The following OSMR variants were observed in gnomAD, a reference collection of about 807,000 sequenced individuals.
OSMR encodes oncostatin-M-specific receptor subunit beta.
OSMR carries 81 observed loss-of-function variants against 99.9 expected under a neutral mutation model. The observed-to-expected ratio is 0.81, with a 90% CI of 0.68 to 0.97. The LOEUF (loss-of-function observed/expected upper bound fraction) is 0.97. OSMR is among the 50% of genes least tolerant of loss of function. The pLI, the probability that OSMR is intolerant of heterozygous loss-of-function variation, is 0.00. For missense variants in OSMR, 1,099 were observed against 1,153.4 expected, an observed-to-expected ratio of 0.95 and a Z score of 0.68; for synonymous variants, 406 against 410.4, an observed-to-expected ratio of 0.99 and a Z score of 0.13.
In OSMR at chr5:38,921,700, T is replaced by C. The variant is rs764170509; in HGVS notation, c.1671T>C (p.Tyr557=). ...WKPQPGDVIG[Y]VVDWCDHTQD... ...CCCAACCTGGAGATGTTATAGGCTA[T>C]GTTGTGGACTGGTGTGACCATACCC... The change falls in exon 12 of 18, where the codon TAT becomes TAC. Residue 557 remains tyrosine (Y), a synonymous_variant. Coordinates refer to ENST00000274276, the MANE Select transcript of OSMR (RefSeq NM_003999.3). 19 of 1,614,058 alleles carry C rather than the reference T, an allele frequency of 1.2e-5. No individual in the cohort carries two copies. In the African/African-American group the frequency reaches 1.3e-4, roughly 11 times the overall value.
Position 38,933,114 on chromosome 5 carries a change from T to C in OSMR, c.2610T>C (p.Ser870=). The change falls in exon 18 of 18, where the codon TCT becomes TCC. Residue 870 remains serine, a synonymous_variant. Coordinates refer to ENST00000274276, the MANE Select transcript of OSMR (RefSeq NM_003999.3). Reference sequence around the variant, plus strand: ...ACCAGGCAGCTTCTGACTCTGGCTCTTGTGGCCATGTTCCAGTATCCCCAA... The same window carrying C: ...ACCAGGCAGCTTCTGACTCTGGCTCCTGTGGCCATGTTCCAGTATCCCCAA... ...TYNQAASDSG[S]CGHVPVSPKA... is the part of the protein sequence containing the mutation. The C allele has an allele frequency of 6.2e-7, 1 of 1,614,228 alleles. No individual in the cohort carries two copies. The highest frequency in any genetic ancestry group is 8.5e-7 in the Non-Finnish European group (1 of 1,180,030).
chr5:38,863,096 T>C (rs1741612590), intron 1 of OSMR, among the ~76,000 whole-genome samples: 1 of 147,522 alleles, frequency 6.8e-6, no homozygotes, highest in Non-Finnish European at 1.5e-5. Context: ...GAGGTTGCAG[T>C]GGGCCGAGAT....
At chr5:38,882,484 A>G (rs915723515) in intron 4 of OSMR, among the ~76,000 whole-genome samples, 9 of 152,112 alleles carry the variant, frequency 5.9e-5, no homozygotes, top group Admixed American at 2.0e-4. Context: ...CTGAGGCAGG[A>G]GAATCGCTTG....
rs527850067 is a variant in OSMR at position 38,876,700 on chromosome 5, TC to T, written c.246+328del. 1.2e-3 allele frequency among the ~76,000 whole-genome samples: 181 copies of T among 152,320 alleles called. 3 individuals are homozygous for T. The Middle Eastern group carries it at 0.044, about 37-fold the overall frequency. The stretch of plus-strand genomic sequence containing the variant: ...GATTAACCAATTCATTCCTCCTACC[TC>T]TTTCTTCTCCGTCCTCCAGAGATTT... On this transcript the variant is annotated intron_variant, in intron 3 of 17. Coordinates refer to ENST00000274276, the MANE Select transcript of OSMR (RefSeq NM_003999.3).
At chr5:38,907,549 G>A (rs72732727) in intron 9 of OSMR, among the ~76,000 whole-genome samples, 15,661 of 152,244 alleles carry the variant, frequency 0.1, 967 homozygotes, top group Middle Eastern at 0.19. Flanking sequence ...ATGAGATGGG[G>A]CCAGTCCAAT....
chr5:38,943,695 C>G (rs1158918397), intron 1 of OSMR, among the ~76,000 whole-genome samples: 1 of 152,100 alleles, frequency 6.6e-6, no homozygotes, highest in Non-Finnish European at 1.5e-5. Flanking sequence ...CACCTGTAAT[C>G]CCAGCTACTT....
chr5:38,868,475 G>A (rs1010498669), intron 1 of OSMR, among the ~76,000 whole-genome samples: 12 of 152,136 alleles, frequency 7.9e-5, no homozygotes, highest in Non-Finnish European at 1.5e-4. Context: ...CATCAGGGCC[G>A]GTCTTTTCTG....
chr5:38,901,814 T>C lies in OSMR; in HGVS notation c.992-2068T>C, dbSNP rs1239906233. ...CCAAGGCCTGTTGTCGCAAAGAACC[T>C]CATTTAAAATTGGTGGGTTTGCTGG... On this transcript the variant is annotated intron_variant, in intron 7 of 17. Transcript: ENST00000274276. Among the ~76,000 whole-genome samples the C allele has an allele frequency of 2.6e-5, 4 of 152,188 alleles. No homozygotes were observed. The East Asian group carries it at 5.8e-4, about 22-fold the overall frequency.
chr5:38,908,537 T>A (rs978709120), intron 9 of OSMR, among the ~76,000 whole-genome samples: 1 of 152,114 alleles, frequency 6.6e-6, no homozygotes, highest in African/African-American at 2.4e-5. Context: ...CAGACTGAGA[T>A]CAGTTCGGCC....
intron 7 of OSMR, among the ~76,000 whole-genome samples, chr5:38,895,732 A>G (rs1412103976): frequency 1.3e-5 from 2 of 151,782 alleles, no homozygotes; most frequent in Admixed American, 1.3e-4. Flanking sequence ...AAATTATTCC[A>G]ATGTCTCGGA....
intron 7 of OSMR, among the ~76,000 whole-genome samples, chr5:38,896,758 A>T (rs1021275067): frequency 9.9e-5 from 15 of 151,790 alleles, no homozygotes; most frequent in African/African-American, 1.5e-4. Flanking sequence ...GTTTTTCCCC[A>T]TTCAGTATGA....
rs767614402 is a variant in OSMR at position 38,885,428 on chromosome 5, G to A, written c.783G>A (p.Thr261=). 18 of 1,613,844 alleles carry A rather than the reference G, an allele frequency of 1.1e-5. No homozygotes were observed. The highest frequency in any genetic ancestry group is 1.6e-4 in the Middle Eastern group (1 of 6,076). ...KTLHCTWDPG[T]DTALGWSKQP... ...TGCACTGTACTTGGGATCCTGGGAC[G>A]GACACTGCCTTGGGGTGGTCTAAAC... The change falls in exon 6 of 18, where the codon ACG becomes ACA. Residue 261 remains threonine, a synonymous_variant. Transcript: ENST00000274276.
At chr5:38,897,478 G>A (rs1023939401) in intron 7 of OSMR, among the ~76,000 whole-genome samples, 1 of 151,908 alleles carries the variant, frequency 6.6e-6, no homozygotes, top group Non-Finnish European at 1.5e-5. Flanking sequence ...AATTTCTGCA[G>A]TATCAGTTGT....
chr5:38,893,866 A>C (rs990483030), intron 7 of OSMR, among the ~76,000 whole-genome samples: 5 of 152,216 alleles, frequency 3.3e-5, no homozygotes, highest in African/African-American at 1.2e-4. Flanking sequence ...TCACTAGGGC[A>C]TATAGGCACC....
intron 4 of OSMR, among the ~76,000 whole-genome samples, 162 bp downstream of exon 4, chr5:38,881,926 G>A (rs1943356336): frequency 6.6e-6 from 1 of 152,192 alleles, no homozygotes; most frequent in African/African-American, 2.4e-5. Context: ...GTGAAACTTG[G>A]CACTGGAAGA....
intron 11 of OSMR, among the ~76,000 whole-genome samples, chr5:38,920,155 G>C (rs941855759): frequency 6.6e-6 from 1 of 152,112 alleles, no homozygotes; most frequent in East Asian, 1.9e-4. Context: ...GTATTTTGGG[G>C]TCTCCTACCA....
At chr5:38,921,881 G>T in intron 12 of OSMR, 87 bp downstream of exon 12, 1 of 1,151,020 alleles carries the variant, frequency 8.7e-7, no homozygotes, top group Admixed American at 1.7e-5. Flanking sequence ...CACAGACTTT[G>T]ACTGTGCTAA....
Position 38,858,317 on chromosome 5 carries a change from CT to C in OSMR, c.-13-10699del, listed in dbSNP as rs79742677. On this transcript the variant is annotated intron_variant, in intron 1 of 17. Coordinates refer to ENST00000274276, the MANE Select transcript of OSMR (RefSeq NM_003999.3). ...CTATCTTCTATTTCCATGAGATCCA[CT>C]TTTTTTTTTTTTTTTAGCTCCCACA... Among the ~76,000 whole-genome samples, 1,345 of 139,556 alleles carry C rather than the reference CT, an allele frequency of 9.6e-3. 14 individuals are homozygous for C. Among genetic ancestry groups the C allele is most frequent in the African/African-American group, 0.023 (862 of 38,246 alleles). 91.6% of individuals were successfully genotyped at this position (139,556 alleles called of 152,430 possible).
intron 2 of OSMR, among the ~76,000 whole-genome samples, chr5:38,869,549 A>T (rs575203709): frequency 2.6e-5 from 4 of 152,370 alleles, no homozygotes; most frequent in African/African-American, 9.6e-5. Context: ...AGAAGCTGTT[A>T]GCTTAGTAAA....
Sources: gnomAD v4.1 joint callset for allele counts (sites outside exome capture counted in the v4.1 genomes callset) on GRCh38, gnomAD v4.1.1 for gene constraint, MANE v1.5 for transcripts, NCBI Gene and HGNC (gene_info 2026-07-23, HGNC 2026-07-21) for gene names.